Variants in FARS2 observed in about 807,000 individuals in gnomAD.
FARS2 encodes the protein phenylalanine--tRNA ligase, mitochondrial.
In FARS2, 40 loss-of-function variants were observed where a neutral mutation model predicts 46.4. The ratio of observed to expected loss-of-function variants is 0.86; its 90% confidence interval spans 0.67 to 1.12. The LOEUF is 1.12. Ranked by LOEUF, FARS2 falls within the 50% of genes most tolerant of loss-of-function variation. The pLI is 0.00. For missense variants in FARS2, 513 were observed against 567.9 expected, an observed-to-expected ratio of 0.90 and a Z score of 0.98; for synonymous variants, 234 against 214.9, an observed-to-expected ratio of 1.09 and a Z score of -0.78.
Position 5,690,650 on chromosome 6 carries a change from T to C in FARS2, c.1217+77330T>C, listed in dbSNP as rs550088929. On this transcript the variant is annotated intron_variant, in intron 6 of 6. Coordinates refer to ENST00000274680, the MANE Select transcript of FARS2 (RefSeq NM_006567.5). ...TTAACATTTTTTCCTTCATTTCAAC[T>C]TTGGTGAATCTGACAATTACGTGTC... Among the ~76,000 whole-genome samples, 291 of 152,152 alleles carry C rather than the reference T, an allele frequency of 1.9e-3. 3 individuals are homozygous for C. The highest frequency in any genetic ancestry group is 6.7e-3 in the African/African-American group (278 of 41,490).
chr6:5,597,122 C>G (rs1038552027), intron 5 of FARS2, among the ~76,000 whole-genome samples: 1 of 152,206 alleles, frequency 6.6e-6, no homozygotes, highest in Admixed American at 6.5e-5. Context: ...AAAGCAGCTG[C>G]TCCAGAAAGC....
intron 4 of FARS2, among the ~76,000 whole-genome samples, chr6:5,538,148 CAAAAAAA>C (rs34273142): frequency 9.2e-6 from 1 of 108,150 alleles, no homozygotes; most frequent in African/African-American, 3.7e-5. Flanking sequence ...TGGAATGAGG[CAAAAAAA>C]AAAAAAAAAA....
chr6:5,656,314 G>A (rs1475875164), intron 6 of FARS2, among the ~76,000 whole-genome samples: 1 of 152,178 alleles, frequency 6.6e-6, no homozygotes, highest in African/African-American at 2.4e-5. Flanking sequence ...GCTCCAATAT[G>A]TCATCTGCCA....
chr6:5,670,769 C>T (rs1431552318), intron 6 of FARS2, among the ~76,000 whole-genome samples: 1 of 152,116 alleles, frequency 6.6e-6, no homozygotes, highest in African/African-American at 2.4e-5. Flanking sequence ...TTAAGTGCTG[C>T]CATGCAGTGT....
intron 4 of FARS2, among the ~76,000 whole-genome samples, chr6:5,483,797 G>A (rs971153728): frequency 1.3e-5 from 2 of 152,160 alleles, no homozygotes; most frequent in Non-Finnish European, 2.9e-5. Context: ...GGATGAGCAG[G>A]TGAGGGGGGG....
chr6:5,663,547 G>A (rs533254055), intron 6 of FARS2, among the ~76,000 whole-genome samples: 5 of 152,120 alleles, frequency 3.3e-5, no homozygotes, highest in Non-Finnish European at 5.9e-5. Flanking sequence ...AATGTGTTTC[G>A]ATGAGATCAG....
chr6:5,415,922 G>C (rs1762214018), intron 3 of FARS2, among the ~76,000 whole-genome samples: 1 of 152,068 alleles, frequency 6.6e-6, no homozygotes, highest in Non-Finnish European at 1.5e-5. Context: ...GTCCAGGCTG[G>C]TCTTGAACTC....
upstream of FARS2, chr6:5,260,883 C>G: frequency 7.0e-7 from 1 of 1,424,888 alleles, no homozygotes. Context: ...CCTAAGCGGG[C>G]AGCCCTGCGG....
chr6:5,304,271 C>T (rs1768534660), intron 1 of FARS2, among the ~76,000 whole-genome samples: 1 of 152,138 alleles, frequency 6.6e-6, no homozygotes, highest in Non-Finnish European at 1.5e-5. Context: ...ACTGTATAAT[C>T]CCCATAGTTA....
chr6:5,444,504 G>A (rs1481459712), intron 4 of FARS2, among the ~76,000 whole-genome samples: 1,400 of 134,996 alleles, frequency 0.01, 38 homozygotes, highest in Admixed American at 0.046. Context: ...GAGAGAGAGA[G>A]AGAGAGAGAG....
At chr6:5,598,399 A>G (rs1774323609) in intron 5 of FARS2, among the ~76,000 whole-genome samples, 1 of 152,176 alleles carries the variant, frequency 6.6e-6, no homozygotes, top group African/African-American at 2.4e-5. Context: ...CAATCAATAA[A>G]TAAATGAGTA....
chr6:5,555,489 G>A (rs760594626), intron 5 of FARS2, among the ~76,000 whole-genome samples: 5 of 151,930 alleles, frequency 3.3e-5, no homozygotes, highest in Non-Finnish European at 7.4e-5. Context: ...ATTGTATTAG[G>A]CCTTGAGCCT....
intron 6 of FARS2, among the ~76,000 whole-genome samples, chr6:5,749,739 A>G (rs1761840804): frequency 6.6e-6 from 1 of 152,194 alleles, no homozygotes; most frequent in Admixed American, 6.5e-5. Context: ...CAAAGCTGTA[A>G]CCTAGGTGCA....
chr6:5,395,326 C>T (rs940584705), intron 2 of FARS2, among the ~76,000 whole-genome samples: 2 of 152,164 alleles, frequency 1.3e-5, no homozygotes, highest in African/African-American at 4.8e-5. Context: ...GCTGGGACTA[C>T]AGGTGTGAGC....
rs1776244618 is a variant in FARS2, at chr6:5,630,450, A to G, written c.1217+17130A>G. Among the ~76,000 whole-genome samples the G allele has an allele frequency of 6.6e-6, 1 of 152,210 alleles. No individual in the cohort carries two copies. Among genetic ancestry groups the G allele is most frequent in the African/African-American group, 2.4e-5 (1 of 41,450 alleles). On this transcript the variant is annotated intron_variant, in intron 6 of 6. Coordinates refer to ENST00000274680, the MANE Select transcript of FARS2 (RefSeq NM_006567.5). This position sits in a 1 kb window ranked among gnomAD's most constrained non-coding sequence, Gnocchi z 4.2. ...TTGTGTCTTTACTTGTATTTATTCC[A>G]CAAATGTTCATAACTAGAGAATACT...
At chr6:5,515,215 A>G (rs1197044637) in intron 4 of FARS2, among the ~76,000 whole-genome samples, 1 of 152,180 alleles carries the variant, frequency 6.6e-6, no homozygotes, top group Admixed American at 6.5e-5. Flanking sequence ...ATAATGTGAC[A>G]CCGCACTGCT....
intron 1 of FARS2, among the ~76,000 whole-genome samples, chr6:5,357,015 A>G (rs796342815): frequency 2.0e-4 from 31 of 152,062 alleles, no homozygotes; most frequent in African/African-American, 7.2e-4. Flanking sequence ...TGGAACTCCG[A>G]TATGTAGGCC....
intron 4 of FARS2, among the ~76,000 whole-genome samples, chr6:5,543,899 T>TC (rs398109793): frequency 2.6e-5 from 4 of 151,406 alleles, no homozygotes; most frequent in Admixed American, 6.6e-5. Flanking sequence ...TTTTTTTTTT[T>TC]CTGGGTAACA....
chr6:5,261,072 G>T (rs997480189), upstream of FARS2: 2 of 514,742 alleles, frequency 3.9e-6, no homozygotes, highest in South Asian at 6.5e-5. Flanking sequence ...GAAATAAGAG[G>T]ACTGGCCGCC....
Sources: allele counts gnomAD v4.1 joint callset (sites outside exome capture counted in the v4.1 genomes callset), GRCh38; gene constraint gnomAD v4.1.1; non-coding constraint Gnocchi (gnomAD v3.1); transcripts MANE v1.5; gene names NCBI Gene and HGNC (gene_info 2026-07-23, HGNC 2026-07-21).